The following ACACB variants were observed in gnomAD, a reference collection of about 807,000 sequenced individuals.
The protein encoded by ACACB is acetyl-CoA carboxylase beta, also known as acetyl-CoA carboxylase 2.
Under a neutral mutation model 278.8 loss-of-function variants are expected in ACACB, and 209 were observed. The observed-to-expected ratio is 0.75, with a 90% CI of 0.67 to 0.84. ACACB has a LOEUF of 0.84. Ranked by LOEUF, ACACB falls within the 40% of genes least tolerant of loss-of-function variation. The pLI, the probability that ACACB is intolerant of heterozygous loss-of-function variation, is 0.00. For missense variants in ACACB, 2,850 were observed against 3,269.0 expected (o/e 0.87, Z 3.13); for synonymous variants, 1,174 against 1,285.6 (o/e 0.91, Z 1.86).
Position 109,246,209 on chromosome 12 carries a change from A to G in ACACB, c.5332A>G (p.Lys1778Glu). The G allele has an allele frequency of 6.2e-7, 1 of 1,613,934 alleles. No individual in the cohort carries two copies. The highest frequency in any genetic ancestry group is 1.6e-4 in the Middle Eastern group (1 of 6,062). Residue 1778 changes from lysine (K) to glutamate (E), a missense_variant, in exon 39 of 53, where the codon AAG becomes GAG. Lys to Glu is a moderately conservative substitution (Grantham distance 56). Coordinates refer to ENST00000338432, the MANE Select transcript of ACACB (RefSeq NM_001093.4). ...VGMVAFKMRF[K>E]TQEYPEGRDV... ...CATGGTGGCCTTCAAAATGAGGTTTAAGACCCAGGAGTACCCGGAAGGACG... is the reference window on the plus strand; with the variant it reads ...CATGGTGGCCTTCAAAATGAGGTTTGAGACCCAGGAGTACCCGGAAGGACG...
chr12:109,201,497 C>T, intron 18 of ACACB, 70 bp from the exon 19 acceptor site: 1 of 1,585,196 alleles, frequency 6.3e-7, no homozygotes, highest in Non-Finnish European at 8.6e-7. Context: ...GCTCCGGCAT[C>T]ACTAGTTCTG....
intron 29 of ACACB, 30 bp downstream of exon 29, chr12:109,232,836 C>G (rs779541182): frequency 6.2e-7 from 1 of 1,612,842 alleles, no homozygotes; most frequent in Non-Finnish European, 8.5e-7. Context: ...CTCCAACACC[C>G]TGAGCATGGG....
chr12:109,143,598 T>C (rs899062301), intron 2 of ACACB, among the ~76,000 whole-genome samples: 4 of 152,146 alleles, frequency 2.6e-5, no homozygotes, highest in Non-Finnish European at 5.9e-5. Flanking sequence ...GTTGAGAATT[T>C]AGAATTTTAG....
chr12:109,157,269 G>GTTATTA (rs1283542863), intron 2 of ACACB, among the ~76,000 whole-genome samples: 3 of 39,704 alleles, frequency 7.6e-5, no homozygotes, highest in African/African-American at 1.8e-4. Flanking sequence ...CCTTTCTAGA[G>GTTATTA]TTGTTATTAT....
intron 4 of ACACB, among the ~76,000 whole-genome samples, chr12:109,170,402 A>G (rs1389152670): frequency 1.3e-5 from 2 of 152,132 alleles, no homozygotes; most frequent in African/African-American, 2.4e-5. Context: ...CTAGACATGG[A>G]ACTTCTGGCT....
intron 10 of ACACB, among the ~76,000 whole-genome samples, chr12:109,179,585 C>T (rs529060731): frequency 1.3e-4 from 20 of 152,254 alleles, no homozygotes; most frequent in Admixed American, 4.6e-4. Flanking sequence ...CTCCTGGGCT[C>T]AAGTGATCCT....
At position 109,245,579 on chromosome 12, in the gene ACACB, C is replaced by T. The variant is rs183528685; in HGVS notation, c.5179-47C>T. ...TCTCTGTCTGGGAAAGATAGTTCTT[C>T]CCTACTGATGACTTCAAGTTTTTTC... On this transcript the variant is annotated intron_variant, in intron 37 of 52. Transcript: ENST00000338432. 6.9e-6 allele frequency: 11 copies of T among 1,592,862 alleles called. No individual in the cohort carries two copies. In the Admixed American group the frequency reaches 7.0e-5, roughly 10 times the overall value.
chr12:109,180,132 C>A, intron 11 of ACACB, 45 bp downstream of exon 11: 1 of 1,590,748 alleles, frequency 6.3e-7, no homozygotes, highest in South Asian at 1.1e-5. Context: ...TGCCCTGGGT[C>A]AGGGGTCCAT....
intron 29 of ACACB, among the ~76,000 whole-genome samples, chr12:109,233,307 G>A (rs1048479022): frequency 4.6e-5 from 7 of 152,082 alleles, no homozygotes; most frequent in African/African-American, 1.7e-4. Flanking sequence ...TCTTTTTTCA[G>A]CCTTTCACTG....
Position 109,237,149 on chromosome 12 carries a change from T to C in ACACB, c.4447-16T>C. ...TGTGTGTATGTGTCTGTCTTCTCTCTCTGGTCCGCCTACAGTTTGCAGAAG... is the reference window on the plus strand; with the variant it reads ...TGTGTGTATGTGTCTGTCTTCTCTCCCTGGTCCGCCTACAGTTTGCAGAAG... On this transcript the variant is annotated splice_polypyrimidine_tract_variant and intron_variant, in intron 33 of 52. Transcript: ENST00000338432. 6.2e-7 allele frequency: 1 copy of C among 1,614,014 alleles called. No individual in the cohort carries two copies.
rs1205308997 is a variant in ACACB, at chr12:109,246,263, A to G, written c.5386A>G (p.Thr1796Ala). Residue 1796 changes from threonine (T) to alanine (A), a missense_variant, in exon 39 of 53, where the codon ACC (threonine) becomes GCC (alanine). Coordinates refer to ENST00000338432, the MANE Select transcript of ACACB (RefSeq NM_001093.4). ...RDVIVIGNDI[T>A]FRIGSFGPGE... ...TGTGATCGTCATCGGCAATGACATC[A>G]CCTTTCGCATTGGATCCTTTGGCCC... The G allele has an allele frequency of 1.2e-6, 2 of 1,613,174 alleles. No individual in the cohort carries two copies. Among genetic ancestry groups the G allele is most frequent in the Non-Finnish European group, 1.7e-6 (2 of 1,179,866 alleles).
chr12:109,164,098 C>T (rs1418623009), intron 2 of ACACB, among the ~76,000 whole-genome samples: 1 of 152,152 alleles, frequency 6.6e-6, no homozygotes, highest in Non-Finnish European at 1.5e-5. Flanking sequence ...GAGGGACGCT[C>T]CTATAAGCAT....
At chr12:109,201,822 G>T in intron 19 of ACACB, 121 bp downstream of exon 19, 2 of 1,362,908 alleles carry the variant, frequency 1.5e-6, no homozygotes, top group South Asian at 1.5e-5. Context: ...CCTGCAGACA[G>T]AGCTCGTCGC....
intron 33 of ACACB, 180 bp downstream of exon 33, chr12:109,235,827 G>C: frequency 1.8e-6 from 1 of 554,736 alleles, no homozygotes; most frequent in Non-Finnish European, 3.1e-6. Context: ...GTGAGACCCT[G>C]TCTCTACAAA....
In ACACB at chr12:109,166,868, A is replaced by C; in HGVS notation, c.661A>C (p.Met221Leu). 6.2e-7 allele frequency: 1 copy of C among 1,613,960 alleles called. No individual in the cohort carries two copies. Among genetic ancestry groups the C allele is most frequent in the Non-Finnish European group, 8.5e-7 (1 of 1,180,004 alleles). The change falls in exon 3 of 53, where the codon ATG becomes CTG. Residue 221 changes from methionine to leucine, a missense_variant. Around this residue, in one of 3 missense-constraint regions of ACACB, gnomAD observed 2,265 missense variants for 2,561.3 expected, o/e 0.88. Coordinates refer to ENST00000338432, the MANE Select transcript of ACACB (RefSeq NM_001093.4). ...ETRVPTMRPS[M>L]SGLHLVKRGR... ...CTCATTCTTATTCTGCAGGCCGAGC[A>C]TGTCGGGACTCCACCTGGTGAAGAG...
chr12:109,207,413 G>T (rs2045554453), intron 20 of ACACB, among the ~76,000 whole-genome samples: 1 of 152,170 alleles, frequency 6.6e-6, no homozygotes, highest in Non-Finnish European at 1.5e-5. Flanking sequence ...GAGTCAGTGG[G>T]GGTCACCCTG....
Position 109,197,088 on chromosome 12 carries a change from T to TG in ACACB, c.2568dup (p.Leu857AlafsTer19), listed in dbSNP as rs756106649. The TG allele has an allele frequency of 7.5e-6, 12 of 1,600,968 alleles. No individual in the cohort carries two copies. The highest frequency in any genetic ancestry group is 2.3e-5 in the South Asian group (2 of 88,848). On this transcript the variant is annotated frameshift_variant, in exon 17 of 53. Coordinates refer to ENST00000338432, the MANE Select transcript of ACACB (RefSeq NM_001093.4). LOFTEE classifies it high-confidence loss of function. ...AGATTGATGCCCACCGGCTGAATGA[T>TG]GGGGGGCTCCTGCTCTCCTACAATG... is the stretch of plus-strand genomic sequence containing the variant.
chr12:109,155,232 C>G (rs879397651), intron 2 of ACACB, among the ~76,000 whole-genome samples: 10 of 152,136 alleles, frequency 6.6e-5, no homozygotes, highest in Admixed American at 2.6e-4. Flanking sequence ...CAGGGGCACG[C>G]CTTCCCCGCT....
At chr12:109,138,871 A>C (rs1222794953) in intron 1 of ACACB, among the ~76,000 whole-genome samples, 1 of 152,158 alleles carries the variant, frequency 6.6e-6, no homozygotes, top group Non-Finnish European at 1.5e-5. Flanking sequence ...AAAACAAAAA[A>C]ACCCCAGCTT....
Sources: allele counts gnomAD v4.1 joint callset (sites outside exome capture counted in the v4.1 genomes callset), GRCh38; gene constraint gnomAD v4.1.1; regional missense constraint gnomAD v4.1.1; transcripts MANE v1.5; gene names NCBI Gene and HGNC (gene_info 2026-07-23, HGNC 2026-07-21).